The following UBE2E3 variants were observed in gnomAD, a reference collection of about 807,000 sequenced individuals.
UBE2E3 encodes the protein ubiquitin conjugating enzyme E2 E3.
UBE2E3 carries 5 observed loss-of-function variants against 23.6 expected under a neutral mutation model. That is an observed-to-expected ratio of 0.21 (90% CI 0.11 to 0.44). The LOEUF (loss-of-function observed/expected upper bound fraction) is 0.44. UBE2E3 is among the 20% of genes least tolerant of loss of function. The probability of loss-of-function intolerance (pLI) is 0.99; values close to 1 mark genes in which losing one functional copy is unlikely to be tolerated. For missense variants in UBE2E3, 81 were observed against 249.8 expected, an observed-to-expected ratio of 0.32 and a Z score of 4.55; for synonymous variants, 78 against 87.5, an observed-to-expected ratio of 0.89 and a Z score of 0.60.
chr2:181,010,440 T>G (rs1454378283), intron 3 of UBE2E3, among the ~76,000 whole-genome samples: 1 of 152,144 alleles, frequency 6.6e-6, no homozygotes, highest in African/African-American at 2.4e-5. Context: ...TGGCAGCATG[T>G]CAGTCTTATA....
intron 3 of UBE2E3, among the ~76,000 whole-genome samples, chr2:181,004,533 T>A (rs1685087180): frequency 6.6e-6 from 1 of 151,900 alleles, no homozygotes; most frequent in African/African-American, 2.4e-5. Flanking sequence ...CTCGGGAGGC[T>A]GAGGCAGGAG....
intron 3 of UBE2E3, among the ~76,000 whole-genome samples, chr2:181,020,853 T>G (rs779004781): frequency 6.6e-6 from 1 of 152,224 alleles, no homozygotes; most frequent in Admixed American, 6.5e-5. Context: ...CATGGGTAAA[T>G]CTAGTGATAT....
At chr2:181,006,751 A>G (rs917209678) in intron 3 of UBE2E3, among the ~76,000 whole-genome samples, 2 of 152,318 alleles carry the variant, frequency 1.3e-5, no homozygotes, top group African/African-American at 2.4e-5. Context: ...TTCATCATAA[A>G]GCAACCCAAC....
intron 3 of UBE2E3, among the ~76,000 whole-genome samples, chr2:181,001,693 AGAG>A (rs1429613349): frequency 2.0e-5 from 3 of 152,190 alleles, no homozygotes; most frequent in African/African-American, 7.2e-5. Flanking sequence ...GGTATTGAAA[AGAG>A]GAGCTGGGAT....
chr2:181,051,098 C>G (rs773661494), intron 3 of UBE2E3, among the ~76,000 whole-genome samples: 4 of 151,914 alleles, frequency 2.6e-5, no homozygotes, highest in Non-Finnish European at 5.9e-5. Context: ...TCCATGATTT[C>G]TGCATGTTTT....
chr2:181,029,461 GA>G (rs1306548518), intron 3 of UBE2E3, among the ~76,000 whole-genome samples: 1 of 151,862 alleles, frequency 6.6e-6, no homozygotes, highest in African/African-American at 2.4e-5. Context: ...CTTTAATTCT[GA>G]TTTTGCTTTG....
At chr2:181,007,581 T>C (rs1238384218) in intron 3 of UBE2E3, among the ~76,000 whole-genome samples, 1 of 151,738 alleles carries the variant, frequency 6.6e-6, no homozygotes, top group Non-Finnish European at 1.5e-5. Context: ...GAGATGGAAA[T>C]TGGAGCTGGA....
At chr2:181,021,577 TCCCTC>T (rs1559124297) in intron 3 of UBE2E3, among the ~76,000 whole-genome samples, 619 of 103,212 alleles carry the variant, frequency 6.0e-3, no homozygotes, top group Non-Finnish European at 7.4e-3. Flanking sequence ...CCTTCCTCCC[TCCCTC>T]CCTTCCTTCC....
chr2:180,999,902 G>A (rs4077213), intron 3 of UBE2E3, among the ~76,000 whole-genome samples: 35,338 of 150,044 alleles, frequency 0.24, 4,478 homozygotes, highest in Non-Finnish European at 0.29. Context: ...GCAGTTATAT[G>A]GACAAATAAA....
intron 3 of UBE2E3, among the ~76,000 whole-genome samples, chr2:181,032,644 C>T (rs369750774): frequency 1.3e-5 from 2 of 152,030 alleles, no homozygotes; most frequent in Non-Finnish European, 2.9e-5. Context: ...AAAAATTTAC[C>T]ATCTCTTTGA....
chr2:181,028,639 CCTAA>C (rs1685975047), intron 3 of UBE2E3, among the ~76,000 whole-genome samples: 1 of 110,388 alleles, frequency 9.1e-6, no homozygotes, highest in South Asian at 2.7e-4. Context: ...ATTTGCATTT[CCTAA>C]TAATGAGGTT....
At chr2:181,001,889 A>G (rs1279997804) in intron 3 of UBE2E3, among the ~76,000 whole-genome samples, 1 of 152,142 alleles carries the variant, frequency 6.6e-6, no homozygotes, top group Non-Finnish European at 1.5e-5. Flanking sequence ...AATCATCTAA[A>G]ATGGCAAGAC....
chr2:181,019,496 A>G (rs1398380219), intron 3 of UBE2E3, among the ~76,000 whole-genome samples: 1 of 152,230 alleles, frequency 6.6e-6, no homozygotes, highest in Non-Finnish European at 1.5e-5. Flanking sequence ...TTTGGAAACC[A>G]CAGCATATAT....
intron 3 of UBE2E3, among the ~76,000 whole-genome samples, chr2:181,035,679 A>AT (rs1029329263): frequency 3.8e-4 from 57 of 151,818 alleles, no homozygotes; most frequent in African/African-American, 1.3e-3. Context: ...ACATTATTAG[A>AT]TTTTTTTTGC....
chr2:181,062,645 T>G (rs548299153), intron 5 of UBE2E3, 146 bp from the exon 6 acceptor site: 1 of 404,674 alleles, frequency 2.5e-6, no homozygotes, highest in Admixed American at 4.2e-5. Flanking sequence ...ATGATCATGT[T>G]ACTTTAAACT....
chr2:181,057,170 A>T (rs1687012306), intron 3 of UBE2E3, among the ~76,000 whole-genome samples: 1 of 151,816 alleles, frequency 6.6e-6, no homozygotes, highest in African/African-American at 2.4e-5. Flanking sequence ...AGAAAAATTA[A>T]TTTTTTAAAA....
chr2:181,045,899 C>G (rs1054581829), intron 3 of UBE2E3, among the ~76,000 whole-genome samples: 1 of 151,906 alleles, frequency 6.6e-6, no homozygotes. Flanking sequence ...AGACAACAAT[C>G]AATTTGTTAA....
chr2:180,992,406 G>T (rs764453916), intron 3 of UBE2E3, among the ~76,000 whole-genome samples: 4 of 152,212 alleles, frequency 2.6e-5, no homozygotes, highest in African/African-American at 7.2e-5. Flanking sequence ...TATAAAAGGA[G>T]ATGTTAAATT....
At chr2:181,018,306 C>G (rs1442030694) in intron 3 of UBE2E3, among the ~76,000 whole-genome samples, 1 of 152,114 alleles carries the variant, frequency 6.6e-6, no homozygotes, top group Admixed American at 6.6e-5. Context: ...TACATAAATA[C>G]ATATCCACAC....
Sources: gnomAD v4.1 joint callset for allele counts (sites outside exome capture counted in the v4.1 genomes callset) on GRCh38, gnomAD v4.1.1 for gene constraint, MANE v1.5 for transcripts, NCBI Gene and HGNC (gene_info 2026-07-23, HGNC 2026-07-21) for gene names.